The following MYH10 variants were observed in gnomAD, a reference collection of about 807,000 sequenced individuals.
MYH10 encodes the protein myosin heavy chain 10, also known as myosin-10.
MYH10 carries 55 observed loss-of-function variants against 257.8 expected under a neutral mutation model. That is an observed-to-expected ratio of 0.21 (90% CI 0.17 to 0.27). The LOEUF is 0.27. Ranked by LOEUF, MYH10 falls within the 10% of genes least tolerant of loss-of-function variation. MYH10 has a pLI of 1.00. For missense variants in MYH10, 1,631 were observed against 2,500.6 expected (o/e 0.65, Z 7.42); for synonymous variants, 854 against 921.7 (o/e 0.93, Z 1.33).
At chr17:8,538,290 C>T (rs1464547972) in intron 14 of MYH10, among the ~76,000 whole-genome samples, 1 of 152,220 alleles carries the variant, frequency 6.6e-6, no homozygotes, top group Non-Finnish European at 1.5e-5. Context: ...GCTGCAACCT[C>T]CACCTCCCGG....
chr17:8,535,987 T>G lies in MYH10; in HGVS notation c.1606-56A>C, dbSNP rs2082129154. On this transcript the variant is annotated intron_variant, in intron 14 of 42. Coordinates refer to ENST00000360416, the MANE Select transcript of MYH10 (RefSeq NM_001256012.3). The surrounding 1 kb of genome is among the most constrained non-coding windows in gnomAD (Gnocchi z 4.3). Reference sequence around the variant, plus strand: ...GTTTTGCATGCCACTTTAATACTACTGAGTCTGGCACTTAAACTTCTAAAA... The same window carrying G: ...GTTTTGCATGCCACTTTAATACTACGGAGTCTGGCACTTAAACTTCTAAAA... The G allele has an allele frequency of 2.7e-6, 4 of 1,499,066 alleles. No homozygotes were observed. In the East Asian group the frequency reaches 9.1e-5, roughly 34 times the overall value. The allele number at this position is 1,499,066 out of a possible 1,614,324, so 92.9% of individuals were successfully genotyped here. A position where few individuals can be genotyped will look rare whatever the true frequency, so the allele number is the denominator to read the frequency against.
At chr17:8,595,106 G>C (rs2084311967) in intron 3 of MYH10, among the ~76,000 whole-genome samples, 1 of 152,152 alleles carries the variant, frequency 6.6e-6, no homozygotes, top group Non-Finnish European at 1.5e-5. Flanking sequence ...AACTACTGGT[G>C]AATGAATCTC....
chr17:8,550,518 G>C (rs1367821695), intron 9 of MYH10, among the ~76,000 whole-genome samples: 2 of 151,452 alleles, frequency 1.3e-5, no homozygotes, highest in Non-Finnish European at 1.5e-5. Context: ...GAGGGAGGTG[G>C]GGGGGACAGC....
In MYH10 at chr17:8,474,560, A is replaced by G. The variant is rs1912192054; in HGVS notation, c.*1244T>C. On this transcript the variant is annotated 3_prime_UTR_variant, in exon 43 of 43. Coordinates refer to ENST00000360416, the MANE Select transcript of MYH10 (RefSeq NM_001256012.3). The stretch of plus-strand genomic sequence containing the variant: ...GATTCATTGTCACTGAATGTCTGTA[A>G]TACCACTTTGACTAGAGAGGTACAT... 1 of 152,684 alleles carries G rather than the reference A, an allele frequency of 6.5e-6. No homozygotes were observed. The highest frequency in any genetic ancestry group is 2.4e-5 in the African/African-American group (1 of 41,468). 9.5% of individuals were successfully genotyped at this position (152,684 alleles called of 1,614,324 possible). A position where few individuals can be genotyped will look rare whatever the true frequency, so the allele number is the denominator to read the frequency against.
intron 3 of MYH10, 130 bp downstream of exon 3, chr17:8,604,696 A>G: frequency 3.1e-6 from 2 of 654,706 alleles, no homozygotes; most frequent in East Asian, 3.5e-5. Flanking sequence ...TTTTTCTACA[A>G]TAAACATTAC....
chr17:8,488,456 C>T (rs1006895391), intron 35 of MYH10, among the ~76,000 whole-genome samples: 4 of 152,192 alleles, frequency 2.6e-5, no homozygotes, highest in South Asian at 4.1e-4. Context: ...CTGCTTCTTC[C>T]ACTTATTCAG....
intron 42 of MYH10, 45 bp from the exon 43 acceptor site, chr17:8,475,993 G>A: frequency 1.3e-6 from 2 of 1,580,546 alleles, no homozygotes; most frequent in Non-Finnish European, 1.7e-6. Context: ...ACAGACAGGA[G>A]CACATGGCTG....
At chr17:8,555,036 G>A (rs1289122354) in intron 7 of MYH10, among the ~76,000 whole-genome samples, 1 of 151,236 alleles carries the variant, frequency 6.6e-6, no homozygotes, top group African/African-American at 2.4e-5. Context: ...CCCGGGAGGC[G>A]GAGGTTGCAG....
In MYH10 at chr17:8,535,740, C is replaced by A; in HGVS notation, c.1779+18G>T. On this transcript the variant is annotated intron_variant, in intron 15 of 42. Transcript: ENST00000360416. This position sits in a 1 kb window ranked among gnomAD's most constrained non-coding sequence, Gnocchi z 4.3. ...ACACAGCCATTTTAATCCAGTTATTCAACATAAGAGCTCTTACCTTCCCTG... is the reference window on the plus strand; with the variant it reads ...ACACAGCCATTTTAATCCAGTTATTAAACATAAGAGCTCTTACCTTCCCTG... 6.2e-7 allele frequency: 1 copy of A among 1,601,356 alleles called. No individual in the cohort carries two copies. Among genetic ancestry groups the A allele is most frequent in the South Asian group, 1.1e-5 (1 of 89,636 alleles).
At chr17:8,482,730 G>A (rs1183702220) in intron 37 of MYH10, among the ~76,000 whole-genome samples, 2 of 152,252 alleles carry the variant, frequency 1.3e-5, no homozygotes, top group African/African-American at 4.8e-5. Flanking sequence ...AATGCAGTGT[G>A]AGTCAGGCCT....
Position 8,480,328 on chromosome 17 carries a change from A to G in MYH10, c.5389-10T>C, listed in dbSNP as rs761483126. 7 of 1,613,434 alleles carry G rather than the reference A, an allele frequency of 4.3e-6. No homozygotes were observed. Among genetic ancestry groups the G allele is most frequent in the Non-Finnish European group, 5.9e-6 (7 of 1,179,754 alleles). On this transcript the variant is annotated splice_polypyrimidine_tract_variant and intron_variant, in intron 39 of 42. Transcript: ENST00000360416. ...CGTTCAGTGTGTCCACCTAGAGAGG[A>G]GAGAGGAGTTTAGTCACTTGTGCCT...
intron 36 of MYH10, among the ~76,000 whole-genome samples, chr17:8,486,180 C>T (rs1914730776): frequency 6.6e-6 from 1 of 152,034 alleles, no homozygotes; most frequent in Admixed American, 6.6e-5. Context: ...AGCAGGGATA[C>T]AGGGAATGGG....
At chr17:8,589,042 A>G in intron 4 of MYH10, 39 bp downstream of exon 4, 1 of 1,608,484 alleles carries the variant, frequency 6.2e-7, no homozygotes, top group East Asian at 2.2e-5. Context: ...ACTTTCCAAG[A>G]AAATCAAAAA....
intron 1 of MYH10, among the ~76,000 whole-genome samples, chr17:8,626,029 G>A (rs1344550726): frequency 2.0e-5 from 3 of 152,116 alleles, no homozygotes; most frequent in African/African-American, 7.2e-5. Flanking sequence ...AAAATAAGAT[G>A]AAACAAAAAA....
At chr17:8,484,633 C>T (rs1473102770) in intron 36 of MYH10, among the ~76,000 whole-genome samples, 8 of 152,080 alleles carry the variant, frequency 5.3e-5, no homozygotes, top group Admixed American at 5.2e-4. Context: ...GGATTATACA[C>T]CATGACCAAG....
intron 16 of MYH10, among the ~76,000 whole-genome samples, chr17:8,532,181 C>G (rs1252782888): frequency 6.6e-6 from 1 of 152,192 alleles, no homozygotes; most frequent in Non-Finnish European, 1.5e-5. Context: ...TAGGAGTATT[C>G]CAGAGCAGAG....
intron 4 of MYH10, among the ~76,000 whole-genome samples, 199 bp from the exon 5 acceptor site, chr17:8,577,537 C>CT (rs975428823): frequency 6.6e-5 from 10 of 151,942 alleles, no homozygotes; most frequent in Non-Finnish European, 1.0e-4. Context: ...CCAAATAATT[C>CT]TTTTTTTTCT....
intron 7 of MYH10, among the ~76,000 whole-genome samples, chr17:8,568,242 C>T (rs1054266561): frequency 1.7e-4 from 26 of 152,146 alleles, no homozygotes; most frequent in Non-Finnish European, 3.7e-4. Flanking sequence ...CCTGCCAACA[C>T]CTTGCTTCAG....
At position 8,548,629 on chromosome 17, in the gene MYH10, A is replaced by C. The variant is rs2082521643; in HGVS notation, c.1063+15T>G. ...AGGAAAGTGAGTACCAGAATCTTAG[A>C]GAAATCACACATACACAGAATCTCT... On this transcript the variant is annotated intron_variant, in intron 10 of 42. Transcript: ENST00000360416. 6.2e-7 allele frequency: 1 copy of C among 1,613,096 alleles called. No individual in the cohort carries two copies. The highest frequency in any genetic ancestry group is 1.3e-5 in the African/African-American group (1 of 75,002).
Sources: gnomAD v4.1 joint callset for allele counts (sites outside exome capture counted in the v4.1 genomes callset) on GRCh38, gnomAD v4.1.1 for gene constraint, Gnocchi (gnomAD v3.1) non-coding constraint, MANE v1.5 for transcripts, NCBI Gene and HGNC (gene_info 2026-07-23, HGNC 2026-07-21) for gene names.